PKHD1: variants seen among roughly 807,000 people sequenced by gnomAD.
PKHD1 encodes PKHD1 ciliary IPT domain containing fibrocystin/polyductin.
PKHD1 carries 291 observed loss-of-function variants against 412.0 expected under a neutral mutation model. That is an observed-to-expected ratio of 0.71 (90% CI 0.64 to 0.78). The LOEUF is 0.78. PKHD1 is among the 30% of genes least tolerant of loss of function. The pLI, the probability that PKHD1 is intolerant of heterozygous loss-of-function variation, is 0.00. For synonymous variants in PKHD1, 1,777 were observed against 1,821.5 expected, an observed-to-expected ratio of 0.98 and a Z score of 0.62; for missense variants, 4,825 against 4,950.7, an observed-to-expected ratio of 0.97 and a Z score of 0.76.
At chr6:51,929,096 C>T (rs746910640) in intron 37 of PKHD1, among the ~76,000 whole-genome samples, 2 of 152,122 alleles carry the variant, frequency 1.3e-5, no homozygotes, top group Admixed American at 6.5e-5. Flanking sequence ...CAAGAGGAGA[C>T]AGCATTGGAG....
intron 35 of PKHD1, among the ~76,000 whole-genome samples, chr6:51,989,959 A>AGAAGGAAGGAAG (rs769016813): frequency 2.0e-3 from 72 of 36,580 alleles, no homozygotes; most frequent in African/African-American, 7.3e-3. Context: ...AAGGAAGGAA[A>AGAAGGAAGGAAG]GAAGGAAGGA....
At chr6:52,009,747 G>T (rs995827235) in intron 35 of PKHD1, among the ~76,000 whole-genome samples, 1 of 152,022 alleles carries the variant, frequency 6.6e-6, no homozygotes, top group Non-Finnish European at 1.5e-5. Flanking sequence ...CCACTTGGAG[G>T]GAGTGGTTTA....
At chr6:51,668,552 G>C (rs370301698) in intron 60 of PKHD1, among the ~76,000 whole-genome samples, 2 of 151,926 alleles carry the variant, frequency 1.3e-5, no homozygotes, top group Non-Finnish European at 2.9e-5. Flanking sequence ...TCTCCTGCCT[G>C]ATTGCCCTGG....
chr6:51,626,928 G>T, intron 66 of PKHD1, 69 bp downstream of exon 66: 4 of 1,548,936 alleles, frequency 2.6e-6, no homozygotes, highest in Non-Finnish European at 3.6e-6. Context: ...CAGAGCTGAA[G>T]GAGAGGGAGG....
intron 37 of PKHD1, among the ~76,000 whole-genome samples, chr6:51,927,429 C>G (rs1785829246): frequency 6.6e-6 from 1 of 152,154 alleles, no homozygotes; most frequent in East Asian, 1.9e-4. Context: ...CTTTTGCCAT[C>G]CCTGGAGCAG....
At chr6:51,932,490 C>T (rs1339212205) in intron 37 of PKHD1, among the ~76,000 whole-genome samples, 1 of 152,158 alleles carries the variant, frequency 6.6e-6, no homozygotes, top group African/African-American at 2.4e-5. Flanking sequence ...GGCTGAACCA[C>T]AAATATACAC....
chr6:51,699,211 A>G (rs779179106), intron 60 of PKHD1, among the ~76,000 whole-genome samples: 1 of 152,154 alleles, frequency 6.6e-6, no homozygotes, highest in Non-Finnish European at 1.5e-5. Flanking sequence ...TCATCTCCCA[A>G]AAGTCCCTTG....
chr6:51,657,614 C>T (rs1466494595), intron 61 of PKHD1, among the ~76,000 whole-genome samples: 1 of 152,064 alleles, frequency 6.6e-6, no homozygotes, highest in African/African-American at 2.4e-5. Flanking sequence ...AGTAAAAAAA[C>T]ATGATGGCTA....
rs1057516345 is a variant in PKHD1, at chr6:51,659,417, G to C, written c.10709C>G (p.Ser3570Ter). ...SIHLALTVMVSVLEKGWEIVI... is the reference protein window; with the variant it reads ...SIHLALTVMV Reference sequence around the variant, plus strand: ...TATTTCCCAGCCTTTTTCTAAGACTGAAACCATCACAGTGAGGGCCAAGTG... The same window carrying C: ...TATTTCCCAGCCTTTTTCTAAGACTCAAACCATCACAGTGAGGGCCAAGTG... Residue 3570 changes from serine (S) to a stop codon, truncating the protein, a stop_gained, in exon 61 of 67, where the codon TCA becomes TGA. Coordinates refer to ENST00000371117, the MANE Select transcript of PKHD1 (RefSeq NM_138694.4). LOFTEE classifies it high-confidence loss of function. 1.2e-6 allele frequency: 2 copies of C among 1,613,636 alleles called. No homozygotes were observed. Among genetic ancestry groups the C allele is most frequent in the Non-Finnish European group, 1.7e-6 (2 of 1,179,824 alleles).
intron 66 of PKHD1, 86 bp from the exon 67 acceptor site, chr6:51,619,606 G>T: frequency 9.3e-7 from 1 of 1,076,300 alleles, no homozygotes; most frequent in Non-Finnish European, 1.4e-6. Context: ...TTTCTGACAA[G>T]ATATTGTCAA....
chr6:51,618,997 G>T lies in PKHD1; in HGVS notation c.*84C>A, dbSNP rs1409821264. The T allele has an allele frequency of 1.6e-6, 2 of 1,242,836 alleles. No homozygotes were observed. The highest frequency in any genetic ancestry group is 1.7e-5 in the Admixed American group (1 of 59,560). The allele number at this position is 1,242,836 out of a possible 1,614,324, so 77.0% of individuals were successfully genotyped here. A position where few individuals can be genotyped will look rare whatever the true frequency, so the allele number is the denominator to read the frequency against. On this transcript the variant is annotated 3_prime_UTR_variant, in exon 67 of 67. Coordinates refer to ENST00000371117, the MANE Select transcript of PKHD1 (RefSeq NM_138694.4). The stretch of plus-strand genomic sequence containing the variant: ...TTCTCTCTTCTTAGTTGTCCCAGCA[G>T]GACAGTCCTCACTTCCCCAGCTTAT...
intron 34 of PKHD1, among the ~76,000 whole-genome samples, chr6:52,017,130 G>C (rs1169190671): frequency 6.6e-6 from 1 of 152,192 alleles, no homozygotes; most frequent in Non-Finnish European, 1.5e-5. Context: ...ACCAGATGTT[G>C]CTTTGGATCG....
At chr6:51,854,036 C>A (rs1354096172) in intron 49 of PKHD1, among the ~76,000 whole-genome samples, 1 of 152,054 alleles carries the variant, frequency 6.6e-6, no homozygotes, top group Non-Finnish European at 1.5e-5. Context: ...CTCGTTGATT[C>A]TTTTTCATCC....
intron 60 of PKHD1, among the ~76,000 whole-genome samples, chr6:51,672,299 G>T (rs539863286): frequency 1.3e-5 from 2 of 152,198 alleles, no homozygotes; most frequent in Non-Finnish European, 2.9e-5. Flanking sequence ...TTTCCCCTTA[G>T]CTAGATTTCA....
In PKHD1 at chr6:51,627,019, T is replaced by C. The variant is rs2150277345; in HGVS notation, c.11763A>G (p.Lys3921=). Residue 3921 remains lysine (K), a synonymous_variant, in exon 66 of 67, where the codon AAA becomes AAG. Coordinates refer to ENST00000371117, the MANE Select transcript of PKHD1 (RefSeq NM_138694.4). ...TACCTTCTCCCACCACAGTGTCTTC[T>C]TTTTTGGGCCCTTGTGATTCTCGGC... ...SKRRESQGPK[K]EDTVVGEDMR... is the part of the protein sequence containing the mutation. 2 of 1,613,198 alleles carry C rather than the reference T, an allele frequency of 1.2e-6. No homozygotes were observed. The highest frequency in any genetic ancestry group is 1.7e-6 in the Non-Finnish European group (2 of 1,179,242).
At chr6:51,842,411 C>G (rs576748274) in intron 50 of PKHD1, among the ~76,000 whole-genome samples, 14 of 152,144 alleles carry the variant, frequency 9.2e-5, no homozygotes, top group African/African-American at 1.2e-4. Context: ...CCCTAAAGAG[C>G]CTTTTACCAA....
At position 51,627,058 on chromosome 6, in the gene PKHD1, G is replaced by T; in HGVS notation, c.11724C>A (p.His3908Gln). 1 of 1,610,114 alleles carries T rather than the reference G, an allele frequency of 6.2e-7. No individual in the cohort carries two copies. Among genetic ancestry groups the T allele is most frequent in the Non-Finnish European group, 8.5e-7 (1 of 1,176,470 alleles). The stretch of plus-strand genomic sequence containing the variant: ...GTGATTCTCGGCGTTTGGATGAGAT[G>T]TGGATATGAATATTTTGATTATTAG... ...SQTNNQNIHI[H>Q]ISSKRRESQG... Residue 3908 changes from histidine (H) to glutamine (Q), a missense_variant, in exon 66 of 67, where the codon CAC becomes CAA. Physicochemically the swap from His to Gln is conservative, Grantham distance 24. Transcript: ENST00000371117.
At chr6:52,065,133 T>TCATATATATA (rs1809365300) in intron 12 of PKHD1, 83 bp from the exon 13 acceptor site, 1 of 131,838 alleles carries the variant, frequency 7.6e-6, no homozygotes, top group Non-Finnish European at 1.3e-5. Context: ...ATATGTATAA[T>TCATATATATA]TATATATATA....
chr6:52,078,063 C>G (rs1359519962), intron 5 of PKHD1, among the ~76,000 whole-genome samples: 1 of 152,178 alleles, frequency 6.6e-6, no homozygotes, highest in Non-Finnish European at 1.5e-5. Flanking sequence ...AACCTGAAAT[C>G]TAAGAGCCAC....
Sources: gnomAD v4.1 joint callset for allele counts (sites outside exome capture counted in the v4.1 genomes callset) on GRCh38, gnomAD v4.1.1 for gene constraint, MANE v1.5 for transcripts, NCBI Gene and HGNC (gene_info 2026-07-23, HGNC 2026-07-21) for gene names.